Variants in HS3ST4 observed in about 807,000 individuals in gnomAD.
HS3ST4 encodes heparan sulfate-glucosamine 3-sulfotransferase 4.
HS3ST4 carries 17 observed loss-of-function variants against 29.2 expected under a neutral mutation model. The ratio of observed to expected loss-of-function variants is 0.58; its 90% CI spans 0.40 to 0.87. The LOEUF is 0.87. Ranked by LOEUF, HS3ST4 falls within the 40% of genes least tolerant of loss-of-function variation. HS3ST4 has a pLI of 0.00. For missense variants in HS3ST4, 627 were observed against 634.5 expected, an observed-to-expected ratio of 0.99 and a Z score of 0.13; for synonymous variants, 314 against 285.7, an observed-to-expected ratio of 1.10 and a Z score of -1.00.
intron 1 of HS3ST4, among the ~76,000 whole-genome samples, chr16:26,122,426 A>G (rs1455165316): frequency 6.6e-6 from 1 of 152,206 alleles, no homozygotes; most frequent in Non-Finnish European, 1.5e-5. Context: ...AACCAGTCAT[A>G]TTGGTATTAA....
intron 1 of HS3ST4, among the ~76,000 whole-genome samples, chr16:25,803,034 CCT>C (rs1966954838): frequency 6.7e-6 from 1 of 149,394 alleles, no homozygotes; most frequent in Non-Finnish European, 1.5e-5. Flanking sequence ...TCTTTCTCTG[CCT>C]CTCTTCTCAT....
At chr16:26,073,834 TG>T (rs1432801720) in intron 1 of HS3ST4, among the ~76,000 whole-genome samples, 2 of 152,216 alleles carry the variant, frequency 1.3e-5, no homozygotes, top group Admixed American at 6.5e-5. Flanking sequence ...GTGTCACTTT[TG>T]GGTGGATGCC....
intron 1 of HS3ST4, among the ~76,000 whole-genome samples, chr16:25,869,088 G>A (rs534368553): frequency 1.3e-5 from 2 of 152,212 alleles, no homozygotes; most frequent in South Asian, 4.2e-4. Context: ...AATTACCAAA[G>A]GATCCTGGGG....
chr16:25,755,785 A>G (rs532014852), intron 1 of HS3ST4, among the ~76,000 whole-genome samples: 3 of 152,216 alleles, frequency 2.0e-5, no homozygotes, highest in East Asian at 3.8e-4. Flanking sequence ...GCCCTCTTCA[A>G]CTGGGGCATA....
At chr16:25,913,870 T>C (rs1596612116) in intron 1 of HS3ST4, among the ~76,000 whole-genome samples, 1 of 131,162 alleles carries the variant, frequency 7.6e-6, no homozygotes, top group Admixed American at 7.7e-5. Flanking sequence ...TGTGTGGGGG[T>C]GTGTGTGGGG....
At chr16:25,858,669 A>G (rs1490888279) in intron 1 of HS3ST4, among the ~76,000 whole-genome samples, 1 of 151,794 alleles carries the variant, frequency 6.6e-6, no homozygotes, top group African/African-American at 2.4e-5. Flanking sequence ...CATTTCCAAT[A>G]TTTTCAATGG....
chr16:25,846,649 T>C (rs962997191), intron 1 of HS3ST4, among the ~76,000 whole-genome samples: 1 of 152,146 alleles, frequency 6.6e-6, no homozygotes, highest in East Asian at 1.9e-4. Context: ...TTCTGTTATA[T>C]TTGTTTATAA....
intron 1 of HS3ST4, among the ~76,000 whole-genome samples, chr16:26,036,338 G>A (rs1969583210): frequency 6.6e-6 from 1 of 152,204 alleles, no homozygotes; most frequent in Non-Finnish European, 1.5e-5. Context: ...ATTTCTGTTG[G>A]TTTCTCCCTG....
chr16:25,780,088 G>C (rs1027750999), intron 1 of HS3ST4, among the ~76,000 whole-genome samples: 1 of 152,188 alleles, frequency 6.6e-6, no homozygotes, highest in African/African-American at 2.4e-5. Context: ...TTCTCCACTT[G>C]ATTCACTTCC....
At chr16:25,958,884 A>T (rs1308995360) in intron 1 of HS3ST4, among the ~76,000 whole-genome samples, 4 of 152,192 alleles carry the variant, frequency 2.6e-5, no homozygotes, top group Non-Finnish European at 4.4e-5. Context: ...ACAAAAGCAG[A>T]TGGTGCCAAG....
intron 1 of HS3ST4, 83 bp from the exon 2 acceptor site, chr16:26,135,529 T>C: frequency 7.4e-7 from 1 of 1,358,964 alleles, no homozygotes. Context: ...ACTAGGTTGT[T>C]TATATCACAC....
chr16:25,749,016 C>T (rs1966702083), intron 1 of HS3ST4, among the ~76,000 whole-genome samples: 1 of 152,106 alleles, frequency 6.6e-6, no homozygotes, highest in African/African-American at 2.4e-5. Flanking sequence ...CCTATAGATG[C>T]TAAAACAGGA....
chr16:25,726,129 C>A (rs888242498), intron 1 of HS3ST4, among the ~76,000 whole-genome samples: 5 of 152,186 alleles, frequency 3.3e-5, no homozygotes, highest in Admixed American at 3.3e-4. Context: ...TGATTTGTGA[C>A]CCACAGTTTG....
chr16:25,820,788 C>T (rs1028509278), intron 1 of HS3ST4, among the ~76,000 whole-genome samples: 2 of 151,936 alleles, frequency 1.3e-5, no homozygotes, highest in Non-Finnish European at 2.9e-5. Flanking sequence ...CCAGGCTTAT[C>T]TTGAGCTCCT....
rs1320148610 is a variant in HS3ST4, at chr16:26,113,459, T to A, written c.735-22153T>A. 5.0e-5 allele frequency among the ~76,000 whole-genome samples: 5 copies of A among 99,954 alleles called. 1 individual carries two copies. The highest frequency in any genetic ancestry group is 9.5e-5 in the Admixed American group (1 of 10,518). 65.6% of individuals were successfully genotyped at this position (99,954 alleles called of 152,430 possible). On this transcript the variant is annotated intron_variant, in intron 1 of 1. Coordinates refer to ENST00000331351, the MANE Select transcript of HS3ST4 (RefSeq NM_006040.3). ...AGACTCTGTCTCAAAAAAAAGAAAA[T>A]ACAATATATGATGTGTGTGTGTGTG...
At chr16:25,952,646 A>C (rs1596624440) in intron 1 of HS3ST4, among the ~76,000 whole-genome samples, 1 of 152,196 alleles carries the variant, frequency 6.6e-6, no homozygotes, top group Non-Finnish European at 1.5e-5. Flanking sequence ...TTAAATATGC[A>C]TTATTAGTAG....
intron 1 of HS3ST4, among the ~76,000 whole-genome samples, chr16:25,993,847 C>T (rs1407675649): frequency 6.6e-6 from 1 of 151,892 alleles, no homozygotes; most frequent in African/African-American, 2.4e-5. Context: ...GCTGTAGAGA[C>T]TGGGAAGTCC....
chr16:25,872,143 A>C (rs1967760631), intron 1 of HS3ST4, among the ~76,000 whole-genome samples: 1 of 152,202 alleles, frequency 6.6e-6, no homozygotes, highest in Non-Finnish European at 1.5e-5. Flanking sequence ...AAGTGACTGA[A>C]TAAATAGGTG....
At position 25,886,758 on chromosome 16, in the gene HS3ST4, T is replaced by G. The variant is rs1452871757; in HGVS notation, c.734+193607T>G. 3 of 152,224 alleles carry G rather than the reference T, an allele frequency of 2.0e-5. No homozygotes were observed. The East Asian group carries it at 5.8e-4, about 29-fold the overall frequency. 9.4% of individuals were successfully genotyped at this position (152,224 alleles called of 1,614,324 possible). On this transcript the variant is annotated intron_variant, in intron 1 of 1. Coordinates refer to ENST00000331351, the MANE Select transcript of HS3ST4 (RefSeq NM_006040.3). ...TTCATTCAGCACGGCTGGATCTGCA[T>G]TAAATGTCGAAAGGAAGGCGGAGAG...
Sources: gnomAD v4.1 joint callset for allele counts (sites outside exome capture counted in the v4.1 genomes callset) on GRCh38, gnomAD v4.1.1 for gene constraint, MANE v1.5 for transcripts, NCBI Gene and HGNC (gene_info 2026-07-23, HGNC 2026-07-21) for gene names.